Variants in OR8B8 observed in about 807,000 individuals in gnomAD.
The protein encoded by OR8B8 is olfactory receptor 8B8.
In OR8B8, 8 loss-of-function variants were observed where a neutral mutation model predicts 10.5. The observed-to-expected ratio is 0.76, with a 90% confidence interval of 0.45 to 1.38. The LOEUF (loss-of-function observed/expected upper bound fraction) is 1.38. Ranked by LOEUF, OR8B8 falls within the 40% of genes most tolerant of loss-of-function variation. The pLI, the probability that OR8B8 is intolerant of heterozygous loss-of-function variation, is 0.00. For synonymous variants in OR8B8, 150 were observed against 145.2 expected (o/e 1.03, Z -0.24); for missense variants, 390 against 380.5 (o/e 1.03, Z -0.21).
chr11:124,440,881 TGAA>T lies in OR8B8; in HGVS notation c.202_204del (p.Phe68del), dbSNP rs1240401831. 6.2e-7 allele frequency: 1 copy of T among 1,613,964 alleles called. No homozygotes were observed. On this transcript the variant is annotated inframe_deletion, in exon 3 of 3. Coordinates refer to ENST00000642064, the MANE Select transcript of OR8B8 (RefSeq NM_012378.2). ...ATAACACTGGAATAGCAGAAATCTA[TGAA>T]GGACAAGTTATAGAGGAAGAAGTAC...
chr11:124,442,382 A>AT (rs1049352591), intron 1 of OR8B8, among the ~76,000 whole-genome samples: 2 of 152,218 alleles, frequency 1.3e-5, no homozygotes, highest in African/African-American at 4.8e-5. Flanking sequence ...ACTAAGCAAA[A>AT]GCATGTGATA....
chr11:124,443,078 G>GATCT (rs1555075861), intron 1 of OR8B8, among the ~76,000 whole-genome samples: 374 of 47,342 alleles, frequency 7.9e-3, no homozygotes, highest in African/African-American at 0.013. Flanking sequence ...AGGCAGGTTT[G>GATCT]GGATTCAATG....
At chr11:124,444,350 C>T (rs556271329) in intron 1 of OR8B8, among the ~76,000 whole-genome samples, 4 of 152,298 alleles carry the variant, frequency 2.6e-5, no homozygotes, top group South Asian at 2.1e-4. Flanking sequence ...TACCATGTTT[C>T]AGAGAATTTT....
chr11:124,441,020 T>G lies in OR8B8; in HGVS notation c.66A>C (p.Gly22=). ...ACAGGAAGAAGAGGGGGATCTGGACTCCCGGTTGGTCAGTTAAGCCTGCGA... is the reference window on the plus strand; with the variant it reads ...ACAGGAAGAAGAGGGGGATCTGGACGCCCGGTTGGTCAGTTAAGCCTGCGA... ...FILAGLTDQP[G]VQIPLFFLFL... Residue 22 remains glycine (G), a synonymous_variant, in exon 3 of 3, where the codon GGA becomes GGC. Transcript: ENST00000642064. The G allele has an allele frequency of 6.2e-7, 1 of 1,613,714 alleles. No individual in the cohort carries two copies. The highest frequency in any genetic ancestry group is 1.1e-5 in the South Asian group (1 of 91,084).
chr11:124,442,639 G>T (rs2134239479), intron 1 of OR8B8, among the ~76,000 whole-genome samples: 1 of 131,230 alleles, frequency 7.6e-6, no homozygotes, highest in East Asian at 2.0e-4. Flanking sequence ...GTTCTTTCCA[G>T]TGTTATTTTC....
In OR8B8 at chr11:124,439,954, G is replaced by A; in HGVS notation, c.*196C>T. On this transcript the variant is annotated 3_prime_UTR_variant, in exon 3 of 3. Transcript: ENST00000642064. ...CTTGAGTCTATCCTCAGAAATAGCG[G>A]GGAACTGAGTGAAATGATCCTCAAG... 2 of 570,794 alleles carry A rather than the reference G, an allele frequency of 3.5e-6. No individual in the cohort carries two copies. The highest frequency in any genetic ancestry group is 5.0e-5 in the South Asian group (2 of 40,320). The allele number at this position is 570,794 out of a possible 1,614,324, so 35.4% of individuals were successfully genotyped here.
chr11:124,441,218 C>T, intron 2 of OR8B8, 117 bp from the exon 3 acceptor site: 1 of 707,012 alleles, frequency 1.4e-6, no homozygotes, highest in African/African-American at 1.8e-5. Flanking sequence ...TGAACTTCAG[C>T]AGAGGGGGCT....
At position 124,440,216 on chromosome 11, in the gene OR8B8, A is replaced by G. The variant is rs1242519342; in HGVS notation, c.870T>C (p.Tyr290=). 1 of 1,614,200 alleles carries G rather than the reference A, an allele frequency of 6.2e-7. No homozygotes were observed. The highest frequency in any genetic ancestry group is 1.3e-5 in the African/African-American group (1 of 75,048). The change falls in exon 3 of 3, where the codon TAT becomes TAC. Residue 290 remains tyrosine (Y), a synonymous_variant. Transcript: ENST00000642064. ...CTTTGACGTCCTTATTCCTCAGGCT[A>G]TAAATTAATGGGTTGAGCATGGGCA... ...TVVPMLNPLI[Y]SLRNKDVKVA... is the part of the protein sequence containing the mutation.
Position 124,440,446 on chromosome 11 carries a change from T to C in OR8B8, c.640A>G (p.Ile214Val), listed in dbSNP as rs1861455113. ...GIDIGVPTVT[I>V]FISYALILSS... ...AGAATGAGAGCATAGGAAATGAAGATGGTGACTGTGGGCACACCAATATCA... is the reference window on the plus strand; with the variant it reads ...AGAATGAGAGCATAGGAAATGAAGACGGTGACTGTGGGCACACCAATATCA... The change falls in exon 3 of 3, where the codon ATC becomes GTC. Residue 214 changes from isoleucine (I) to valine (V), a missense_variant. Transcript: ENST00000642064. 5 of 1,614,064 alleles carry C rather than the reference T, an allele frequency of 3.1e-6. No individual in the cohort carries two copies. Among genetic ancestry groups the C allele is most frequent in the African/African-American group, 1.3e-5 (1 of 74,918 alleles).
At position 124,439,491 on chromosome 11, in the gene OR8B8, A is replaced by G. The variant is rs1238623987; in HGVS notation, c.*659T>C. 3.9e-5 allele frequency: 6 copies of G among 152,362 alleles called. No individual in the cohort carries two copies. Among genetic ancestry groups the G allele is most frequent in the Admixed American group, 2.0e-4 (3 of 15,292 alleles). The allele number at this position is 152,362 out of a possible 1,614,324, so 9.4% of individuals were successfully genotyped here. A position where few individuals can be genotyped will look rare whatever the true frequency, so the allele number is the denominator to read the frequency against. On this transcript the variant is annotated 3_prime_UTR_variant, in exon 3 of 3. Transcript: ENST00000642064. ...GTTCTTCATAACCTTGACATTTTCT[A>G]TAAGTTCTTCCACCCAGCATCACTA...
intron 1 of OR8B8, among the ~76,000 whole-genome samples, chr11:124,442,128 T>A (rs990698713): frequency 6.6e-6 from 1 of 152,220 alleles, no homozygotes; most frequent in Non-Finnish European, 1.5e-5. Flanking sequence ...CATATAATTT[T>A]TCATTTTAAT....
chr11:124,445,687 A>G lies in OR8B8; in HGVS notation c.-264T>C, dbSNP rs1278058487. The G allele has an allele frequency of 6.6e-6, 1 of 152,214 alleles. No homozygotes were observed. The highest frequency in any genetic ancestry group is 1.9e-4 in the East Asian group (1 of 5,196). The allele number at this position is 152,214 out of a possible 1,614,324, so 9.4% of individuals were successfully genotyped here. A position where few individuals can be genotyped will look rare whatever the true frequency, so the allele number is the denominator to read the frequency against. ...GAAATCTGCCACTCCCTCAGTGATT[A>G]TGAGAAACCTCAATCCTTGCTCTCA... On this transcript the variant is annotated 5_prime_UTR_variant, in exon 1 of 3. Coordinates refer to ENST00000642064, the MANE Select transcript of OR8B8 (RefSeq NM_012378.2).
In OR8B8 at chr11:124,440,004, T is replaced by A; in HGVS notation, c.*146A>T. 1 of 642,358 alleles carries A rather than the reference T, an allele frequency of 1.6e-6. No individual in the cohort carries two copies. The highest frequency in any genetic ancestry group is 2.9e-5 in the Admixed American group (1 of 34,102). 39.8% of individuals were successfully genotyped at this position (642,358 alleles called of 1,614,324 possible). A position where few individuals can be genotyped will look rare whatever the true frequency, so the allele number is the denominator to read the frequency against. Reference sequence around the variant, plus strand: ...GACTTACTGTGTGAGTATTCAAAGCTCTTAAGAATGTTTGTAAATTAAAGA... The same window carrying A: ...GACTTACTGTGTGAGTATTCAAAGCACTTAAGAATGTTTGTAAATTAAAGA... On this transcript the variant is annotated 3_prime_UTR_variant, in exon 3 of 3. Coordinates refer to ENST00000642064, the MANE Select transcript of OR8B8 (RefSeq NM_012378.2).
intron 1 of OR8B8, among the ~76,000 whole-genome samples, chr11:124,445,338 A>C (rs1861517111): frequency 6.6e-6 from 1 of 152,224 alleles, no homozygotes; most frequent in South Asian, 2.1e-4. Context: ...TAGCAAAAAA[A>C]AAATAGATCT....
Position 124,440,376 on chromosome 11 carries a change from G to A in OR8B8, c.710C>T (p.Ala237Val), listed in dbSNP as rs537916798. The change falls in exon 3 of 3, where the codon GCC becomes GTC. Residue 237 changes from alanine (A) to valine (V), a missense_variant. Physicochemically the swap from Ala to Val is moderately conservative, Grantham distance 64. Coordinates refer to ENST00000642064, the MANE Select transcript of OR8B8 (RefSeq NM_012378.2). ...HIDSTEGRSK[A>V]FSTCSSHIIA... ...TATGTGGGAGCTGCAGGTGCTGAAGGCTTTGGACCTGCCCTCCGTGGAATC... is the reference window on the plus strand; with the variant it reads ...TATGTGGGAGCTGCAGGTGCTGAAGACTTTGGACCTGCCCTCCGTGGAATC... 1.2e-6 allele frequency: 2 copies of A among 1,614,182 alleles called. No homozygotes were observed. Among genetic ancestry groups the A allele is most frequent in the Middle Eastern group, 1.6e-4 (1 of 6,062 alleles).
chr11:124,439,249 T>A lies in OR8B8; in HGVS notation c.*901A>T, dbSNP rs1428575268. ...TGAAGTTTTTTTGTTGTTGTTGTTG[T>A]TTAGATGGAGTCTTGCTCCATTGCC... On this transcript the variant is annotated 3_prime_UTR_variant, in exon 3 of 3. Coordinates refer to ENST00000642064, the MANE Select transcript of OR8B8 (RefSeq NM_012378.2). 1 of 152,380 alleles carries A rather than the reference T, an allele frequency of 6.6e-6. No homozygotes were observed. The highest frequency in any genetic ancestry group is 6.5e-5 in the Admixed American group (1 of 15,280). 9.4% of individuals were successfully genotyped at this position (152,380 alleles called of 1,614,324 possible). A position where few individuals can be genotyped will look rare whatever the true frequency, so the allele number is the denominator to read the frequency against.
intron 1 of OR8B8, among the ~76,000 whole-genome samples, chr11:124,443,097 CTCTA>C (rs1861493710): frequency 4.9e-5 from 2 of 40,546 alleles, no homozygotes; most frequent in South Asian, 1.4e-3. Flanking sequence ...TGCCCTAATA[CTCTA>C]TCTACCCTAC....
At position 124,440,219 on chromosome 11, in the gene OR8B8, A is replaced by G; in HGVS notation, c.867T>C (p.Ile289=). 1.9e-6 allele frequency: 3 copies of G among 1,614,190 alleles called. No individual in the cohort carries two copies. The highest frequency in any genetic ancestry group is 2.5e-6 in the Non-Finnish European group (3 of 1,180,036). The stretch of plus-strand genomic sequence containing the variant: ...TGACGTCCTTATTCCTCAGGCTATA[A>G]ATTAATGGGTTGAGCATGGGCACCA... ...TTVVPMLNPL[I]YSLRNKDVKV... is the part of the protein sequence containing the mutation. Residue 289 remains isoleucine (I), a synonymous_variant, in exon 3 of 3, where the codon ATT becomes ATC. Coordinates refer to ENST00000642064, the MANE Select transcript of OR8B8 (RefSeq NM_012378.2).
At position 124,437,677 on chromosome 11, in the gene OR8B8, C is replaced by T. The variant is rs1425466928; in HGVS notation, c.*2473G>A. The T allele has an allele frequency of 2.4e-4, 36 of 149,798 alleles. No homozygotes were observed. The highest frequency in any genetic ancestry group is 8.2e-4 in the African/African-American group (32 of 38,810). 9.3% of individuals were successfully genotyped at this position (149,798 alleles called of 1,614,324 possible). A position where few individuals can be genotyped will look rare whatever the true frequency, so the allele number is the denominator to read the frequency against. ...GTGTGTGTGTGTGTGTGCGCGCGCG[C>T]GTGCGTGCGTGCTGGGATTACAGGC... On this transcript the variant is annotated 3_prime_UTR_variant, in exon 3 of 3. Coordinates refer to ENST00000642064, the MANE Select transcript of OR8B8 (RefSeq NM_012378.2).
Sources: allele counts gnomAD v4.1 joint callset (sites outside exome capture counted in the v4.1 genomes callset), GRCh38; gene constraint gnomAD v4.1.1; transcripts MANE v1.5; gene names NCBI Gene and HGNC (gene_info 2026-07-23, HGNC 2026-07-21).